KAZN: variants seen among roughly 807,000 people sequenced by gnomAD.
KAZN encodes the protein kazrin.
Under a neutral mutation model 87.4 loss-of-function variants are expected in KAZN, and 40 were observed. The ratio of observed to expected loss-of-function variants is 0.46; its 90% CI spans 0.36 to 0.60. The LOEUF is 0.60. Among genes scored for constraint, KAZN ranks in the 20% least tolerant of loss-of-function variants. The probability of loss-of-function intolerance (pLI) is 0.00; values close to 1 mark genes in which losing one functional copy is unlikely to be tolerated. For synonymous variants in KAZN, 466 were observed against 458.3 expected, an observed-to-expected ratio of 1.02 and a Z score of -0.22; for missense variants, 898 against 1,073.9, an observed-to-expected ratio of 0.84 and a Z score of 2.29.
intron 5 of KAZN, among the ~76,000 whole-genome samples, chr1:15,057,147 A>G (rs1273174642): frequency 6.6e-6 from 1 of 152,216 alleles, no homozygotes; most frequent in Non-Finnish European, 1.5e-5. Context: ...TCAAGGGTAC[A>G]GATGGGGGAG....
chr1:14,301,122 G>A (rs1021567563), intron 2 of KAZN, among the ~76,000 whole-genome samples: 1 of 152,190 alleles, frequency 6.6e-6, no homozygotes, highest in Non-Finnish European at 1.5e-5. Context: ...TCATGGCCCA[G>A]TGAACCTAGG....
At chr1:14,414,963 T>C (rs1664627560) in intron 2 of KAZN, among the ~76,000 whole-genome samples, 1 of 152,074 alleles carries the variant, frequency 6.6e-6, no homozygotes, top group Admixed American at 6.5e-5. Flanking sequence ...GAGGTAGAAG[T>C]TGTAGTGAGC....
chr1:14,231,455 C>T (rs751039841), intron 2 of KAZN, among the ~76,000 whole-genome samples: 4 of 152,134 alleles, frequency 2.6e-5, no homozygotes, highest in South Asian at 2.1e-4. Context: ...GGGATTACAA[C>T]GGCCCATGCC....
chr1:13,948,995 G>T (rs549628578), intron 1 of KAZN, among the ~76,000 whole-genome samples: 1 of 152,092 alleles, frequency 6.6e-6, no homozygotes, highest in Non-Finnish European at 1.5e-5. Context: ...CCTCTCTGAC[G>T]TACCCAGCAT....
In KAZN at chr1:14,397,467, C is replaced by G. The variant is rs75020942; in HGVS notation, c.250-201516C>G. On this transcript the variant is annotated intron_variant, in intron 2 of 16. Coordinates refer to the KAZN transcript ENST00000636203. ...CCCCATTTACCCCCATTTCACCCCA[C>G]TTCCAAACATGACATTGAGTGTTAG... is the stretch of plus-strand genomic sequence containing the variant. 7.2e-3 allele frequency among the ~76,000 whole-genome samples: 1,101 copies of G among 152,298 alleles called. 14 individuals carry two copies. Among genetic ancestry groups the G allele is most frequent in the African/African-American group, 0.024 (996 of 41,560 alleles).
chr1:15,098,628 C>T (rs1177295219), intron 10 of KAZN, among the ~76,000 whole-genome samples: 5 of 152,240 alleles, frequency 3.3e-5, no homozygotes, highest in African/African-American at 9.6e-5. Context: ...CTGTGGGCTC[C>T]AGCTCCTGCC....
upstream of KAZN, among the ~76,000 whole-genome samples, chr1:14,595,171 C>A (rs1676415135): frequency 1.3e-5 from 2 of 151,710 alleles, no homozygotes; most frequent in African/African-American, 4.8e-5. Context: ...CTTAGTATAT[C>A]TGCAAACCAG....
chr1:14,983,518 G>GT (rs1349040649), intron 2 of KAZN, among the ~76,000 whole-genome samples: 3 of 75,820 alleles, frequency 4.0e-5, no homozygotes, highest in African/African-American at 1.1e-4. Context: ...CGTGACCCCT[G>GT]TGGGGGGAGC....
intron 1 of KAZN, among the ~76,000 whole-genome samples, chr1:14,771,085 G>A (rs941115397): frequency 2.6e-5 from 4 of 152,138 alleles, no homozygotes; most frequent in African/African-American, 4.8e-5. Flanking sequence ...AGGAGGGTGC[G>A]GGGTGAGCAG....
At chr1:14,072,613 T>A (rs1643291222) in intron 1 of KAZN, among the ~76,000 whole-genome samples, 1 of 152,202 alleles carries the variant, frequency 6.6e-6, no homozygotes, top group Non-Finnish European at 1.5e-5. Flanking sequence ...AGCCCTGGTA[T>A]CCTTCCACTG....
chr1:14,763,812 C>T (rs746203625), intron 1 of KAZN, among the ~76,000 whole-genome samples: 4 of 152,174 alleles, frequency 2.6e-5, no homozygotes, highest in Non-Finnish European at 5.9e-5. Context: ...TGCAATGGCA[C>T]GATCTTGGCT....
At chr1:14,367,546 C>T (rs1467844619) in intron 2 of KAZN, among the ~76,000 whole-genome samples, 2 of 152,118 alleles carry the variant, frequency 1.3e-5, no homozygotes, top group African/African-American at 2.4e-5. Flanking sequence ...CACTTTGGAC[C>T]ATGGTCCCAG....
chr1:14,117,740 C>A (rs1319402281), intron 1 of KAZN, among the ~76,000 whole-genome samples: 1 of 152,114 alleles, frequency 6.6e-6, no homozygotes, highest in Non-Finnish European at 1.5e-5. Context: ...TCTTCTATAT[C>A]CTCCCCTAGT....
intron 2 of KAZN, among the ~76,000 whole-genome samples, chr1:14,421,822 A>C (rs979578167): frequency 8.5e-5 from 13 of 152,088 alleles, no homozygotes; most frequent in African/African-American, 3.1e-4. Flanking sequence ...CATAGGCCTT[A>C]GTCCCCTCCC....
chr1:15,088,265 G>A (rs1327553949), intron 8 of KAZN, among the ~76,000 whole-genome samples: 2 of 152,226 alleles, frequency 1.3e-5, no homozygotes, highest in African/African-American at 2.4e-5. Context: ...GATTCGGCCT[G>A]GGAGGCCGTA....
intron 1 of KAZN, among the ~76,000 whole-genome samples, chr1:14,818,466 G>A (rs1646638574): frequency 6.6e-6 from 1 of 152,192 alleles, no homozygotes; most frequent in South Asian, 2.1e-4. Flanking sequence ...ACTTCTTCAG[G>A]GACAAGGGTC....
chr1:14,785,577 T>C (rs1225514253), intron 1 of KAZN, among the ~76,000 whole-genome samples: 1 of 152,084 alleles, frequency 6.6e-6, no homozygotes, highest in Non-Finnish European at 1.5e-5. Flanking sequence ...CACCAACACC[T>C]TCTCATCTTT....
chr1:15,048,584 T>TTGGTCCTGGGTCGTCGGTCCTGGGTCGC (rs1557754097), intron 4 of KAZN, among the ~76,000 whole-genome samples: 2 of 149,432 alleles, frequency 1.3e-5, no homozygotes, highest in Non-Finnish European at 3.0e-5. Context: ...TCCTTGGTCG[T>TTGGTCCTGGGTCGTCGGTCCTGGGTCGC]TGGTCCTGGG....
intron 1 of KAZN, among the ~76,000 whole-genome samples, chr1:13,972,192 C>T (rs1356091377): frequency 6.6e-6 from 1 of 151,820 alleles, no homozygotes; most frequent in African/African-American, 2.4e-5. Context: ...AAAAAGCAGT[C>T]AGCAACCATG....
Sources: gnomAD v4.1 joint callset for allele counts (sites outside exome capture counted in the v4.1 genomes callset) on GRCh38, gnomAD v4.1.1 for gene constraint, MANE v1.5 for transcripts, NCBI Gene and HGNC (gene_info 2026-07-23, HGNC 2026-07-21) for gene names.